SYNE1: variants seen among roughly 807,000 people sequenced by gnomAD.
SYNE1 encodes the protein spectrin repeat containing nuclear envelope protein 1.
Under a neutral mutation model 1,111.0 loss-of-function variants are expected in SYNE1, and 616 were observed. That is an observed-to-expected ratio of 0.55 (90% confidence interval 0.52 to 0.59). The LOEUF is 0.59. SYNE1 is among the 20% of genes least tolerant of loss of function. The pLI is 0.00. For synonymous variants in SYNE1, 3,855 were observed against 3,825.8 expected, an observed-to-expected ratio of 1.01 and a Z score of -0.28; for missense variants, 10,006 against 10,417.0, an observed-to-expected ratio of 0.96 and a Z score of 1.72.
chr6:152,568,289 C>CTTTTTTTTTTTTTT (rs10601350), intron 3 of SYNE1, among the ~76,000 whole-genome samples: 4 of 80,308 alleles, frequency 5.0e-5, no homozygotes, highest in Admixed American at 1.7e-4. Context: ...TTATTTTATT[C>CTTTTTTTTTTTTTT]TTTTTTTTTT....
intron 16 of SYNE1, among the ~76,000 whole-genome samples, chr6:152,466,605 A>G (rs1370769635): frequency 6.6e-6 from 1 of 152,150 alleles, no homozygotes; most frequent in African/African-American, 2.4e-5. Context: ...TCACATTTCA[A>G]TGACCTATTA....
At chr6:152,531,057 G>A (rs188449077) in intron 4 of SYNE1, among the ~76,000 whole-genome samples, 13 of 151,944 alleles carry the variant, frequency 8.6e-5, no homozygotes, top group Non-Finnish European at 1.5e-4. Context: ...CAACTGCCTC[G>A]GTATCACAGT....
chr6:152,319,795 T>G (rs766937435), intron 84 of SYNE1: 2 of 152,138 alleles, frequency 1.3e-5, no homozygotes, highest in Non-Finnish European at 2.9e-5. Context: ...TACATATGAA[T>G]AAGGCTATGA....
chr6:152,359,170 A>G, intron 65 of SYNE1, 145 bp downstream of exon 65: 5 of 1,173,992 alleles, frequency 4.3e-6, no homozygotes, highest in Non-Finnish European at 5.0e-6. Flanking sequence ...TTTTGCCAGT[A>G]ATTCCTTTAA....
rs1171338449 is a variant in SYNE1 at position 152,249,146 on chromosome 6, G to A, written c.19572+15C>T. ...CTATGCATTTTCTCTTCTAGGAAAA[G>A]GCAGCTATAAATACCTCTATTTGTT... On this transcript the variant is annotated intron_variant, in intron 105 of 145. Coordinates refer to ENST00000367255, the MANE Select transcript of SYNE1 (RefSeq NM_182961.4). The A allele has an allele frequency of 1.3e-6, 2 of 1,532,736 alleles. No individual in the cohort carries two copies. Among genetic ancestry groups the A allele is most frequent in the Non-Finnish European group, 1.8e-6 (2 of 1,105,968 alleles). 94.9% of individuals were successfully genotyped at this position (1,532,736 alleles called of 1,614,324 possible). A position where few individuals can be genotyped will look rare whatever the true frequency, so the allele number is the denominator to read the frequency against.
At position 152,465,328 on chromosome 6, in the gene SYNE1, G is replaced by C; in HGVS notation, c.1862C>G (p.Thr621Arg). The C allele has an allele frequency of 1.2e-6, 2 of 1,613,800 alleles. No individual in the cohort carries two copies. Among genetic ancestry groups the C allele is most frequent in the Non-Finnish European group, 1.7e-6 (2 of 1,179,802 alleles). ...TAGCCAGGCTTGCAGACTAGCCACT[G>C]TATTGCCATAGCGATCCCAGTTAGA... is the stretch of plus-strand genomic sequence containing the variant. ...VISNWDRYGN[T>R]VASLQAWLED... Residue 621 changes from threonine (T) to arginine (R), a missense_variant, in exon 18 of 146, where the codon ACA (threonine) becomes AGA (arginine). Transcript: ENST00000367255.
intron 66 of SYNE1, among the ~76,000 whole-genome samples, chr6:152,355,803 T>C (rs1378263262): frequency 6.6e-6 from 1 of 152,204 alleles, no homozygotes; most frequent in Non-Finnish European, 1.5e-5. Flanking sequence ...TCAGTATATG[T>C]AGTTAAAACA....
intron 104 of SYNE1, among the ~76,000 whole-genome samples, chr6:152,252,427 G>C (rs1031041809): frequency 1.3e-5 from 2 of 152,040 alleles, no homozygotes; most frequent in Non-Finnish European, 2.9e-5. Context: ...TTGAGGTTAC[G>C]TCCATGGGTA....
chr6:152,331,773 C>G lies in SYNE1; in HGVS notation c.12912G>C (p.Glu4304Asp). Residue 4304 changes from glutamate to aspartate, a missense_variant, in exon 78 of 146, where the codon GAG becomes GAC. By Grantham distance (45) the Glu-to-Asp change is conservative. This residue lies in a region of SYNE1 where 4,955 missense variants were observed against 5,017.2 expected (regional missense o/e 0.99). Transcript: ENST00000367255. ...DLKDQKQKMI[E>D]HLNLDDKELV... ...ACTCCTTGTCATCTAAATTCAGATGCTCTATCATTTTCTGCTTTTGATCTT... is the reference window on the plus strand; with the variant it reads ...ACTCCTTGTCATCTAAATTCAGATGGTCTATCATTTTCTGCTTTTGATCTT... The G allele has an allele frequency of 6.2e-7, 1 of 1,614,218 alleles. No homozygotes were observed. Among genetic ancestry groups the G allele is most frequent in the Non-Finnish European group, 8.5e-7 (1 of 1,180,040 alleles).
intron 44 of SYNE1, among the ~76,000 whole-genome samples, chr6:152,408,020 C>A (rs895483637): frequency 6.6e-6 from 1 of 152,054 alleles, no homozygotes; most frequent in African/African-American, 2.4e-5. Flanking sequence ...ACCTCGGTCT[C>A]CCAAAGTGCT....
intron 3 of SYNE1, among the ~76,000 whole-genome samples, chr6:152,592,892 A>AGTGTGG (rs1219119965): frequency 6.6e-5 from 10 of 152,034 alleles, no homozygotes; most frequent in Admixed American, 6.6e-4. Flanking sequence ...AGTGTGAGTG[A>AGTGTGG]GTGTGGGTGT....
chr6:152,239,527 TCTC>T lies in SYNE1; in HGVS notation c.20067+3_20067+5del, dbSNP rs761110879. 4 of 1,614,124 alleles carry T rather than the reference TCTC, an allele frequency of 2.5e-6. 1 individual carries two copies. Among genetic ancestry groups the T allele is most frequent in the Non-Finnish European group, 1.7e-6 (2 of 1,180,014 alleles). ...AGCACAGAAGATATGACATCAATGG[TCTC>T]ACCTCTAGAATGTACTCCAGCTCCA... On this transcript the variant is annotated splice_donor_5th_base_variant and intron_variant, in intron 108 of 145. Coordinates refer to ENST00000367255, the MANE Select transcript of SYNE1 (RefSeq NM_182961.4).
chr6:152,331,511 T>G lies in SYNE1; in HGVS notation c.13174A>C (p.Ser4392Arg). The change falls in exon 78 of 146, where the codon AGT becomes CGT. Residue 4392 changes from serine (S) to arginine (R), a missense_variant. By Grantham distance (110) the Ser-to-Arg change is moderately radical. Transcript: ENST00000367255. ...AGCATCTGCTTGGCCTCCAGTTCAC[T>G]GCAGATGGCCAGGTGATCCATGAGA... ...NLLMDHLAICSELEAKQMLLK... is the reference protein window; with the variant it reads ...NLLMDHLAICRELEAKQMLLK... 6.2e-7 allele frequency: 1 copy of G among 1,614,136 alleles called. No homozygotes were observed. The highest frequency in any genetic ancestry group is 2.2e-5 in the East Asian group (1 of 44,880).
intron 104 of SYNE1, among the ~76,000 whole-genome samples, chr6:152,250,826 T>C (rs998377457): frequency 6.6e-6 from 1 of 152,228 alleles, no homozygotes; most frequent in Admixed American, 6.5e-5. Flanking sequence ...GCCTACATTA[T>C]CTACATATGT....
At position 152,231,558 on chromosome 6, in the gene SYNE1, T is replaced by A. The variant is rs1455828482; in HGVS notation, c.20872A>T (p.Ile6958Leu). 1.9e-6 allele frequency: 3 copies of A among 1,613,838 alleles called. No homozygotes were observed. The highest frequency in any genetic ancestry group is 2.7e-5 in the African/African-American group (2 of 74,874). ...GTCAGCTGTTTACAGTTAATGTCTA[T>A]CTTAAAACCCTAAAAAAAAAGAGGA... The part of the protein sequence containing the change: ...EYLQKYKGFK[I>L]DINCKQLTVD... The change falls in exon 114 of 146, where the codon ATA becomes TTA. Residue 6958 changes from isoleucine (I) to leucine (L), a missense_variant. Transcript: ENST00000367255.
At chr6:152,370,802 A>C (rs2097166670) in intron 59 of SYNE1, among the ~76,000 whole-genome samples, 1 of 152,250 alleles carries the variant, frequency 6.6e-6, no homozygotes, top group Admixed American at 6.5e-5. Context: ...AACTTATGAG[A>C]GAATAGTTCA....
chr6:152,294,078 G>T lies in SYNE1; in HGVS notation c.17732C>A (p.Ala5911Asp). 6.2e-7 allele frequency: 1 copy of T among 1,613,884 alleles called. No homozygotes were observed. The highest frequency in any genetic ancestry group is 1.1e-5 in the South Asian group (1 of 91,072). Residue 5911 changes from alanine to aspartate, a missense_variant, in exon 94 of 146, where the codon GCT (alanine) becomes GAT (aspartate). Physicochemically the swap from Ala to Asp is moderately radical, Grantham distance 126 (BLOSUM62 -2). Coordinates refer to ENST00000367255, the MANE Select transcript of SYNE1 (RefSeq NM_182961.4). ...GGATGTGCTGGGGTGAATTTTTGCA[G>T]CATCTGTCTGCAACCTCTCAGCAGA... ...ALSAERLQTD[A>D]AKIHPSTSAS...
At chr6:152,363,128 G>A (rs1196177594) in intron 63 of SYNE1, among the ~76,000 whole-genome samples, 1 of 150,908 alleles carries the variant, frequency 6.6e-6, no homozygotes, top group Non-Finnish European at 1.5e-5. Context: ...TGATCTGCCT[G>A]CCTCGGCCTC....
chr6:152,251,998 A>C (rs199905619), intron 104 of SYNE1, among the ~76,000 whole-genome samples: 10 of 27,538 alleles, frequency 3.6e-4, no homozygotes, highest in Admixed American at 3.4e-3. Flanking sequence ...GTCCGGGCAC[A>C]GTGGTTCATG....
Sources: gnomAD v4.1 joint callset for allele counts (sites outside exome capture counted in the v4.1 genomes callset) on GRCh38, gnomAD v4.1.1 for gene constraint, gnomAD v4.1.1 regional missense constraint, MANE v1.5 for transcripts, NCBI Gene and HGNC (gene_info 2026-07-23, HGNC 2026-07-21) for gene names.